OSBPL8: variants seen among roughly 807,000 people sequenced by gnomAD.
OSBPL8 encodes the protein oxysterol-binding protein-related protein 8.
A neutral mutation model predicts 125.5 loss-of-function variants in OSBPL8; 59 were observed. That is an observed-to-expected ratio of 0.47 (90% confidence interval 0.38 to 0.58). The LOEUF is 0.58. Among genes scored for constraint, OSBPL8 ranks in the 20% least tolerant of loss-of-function variants. The probability of loss-of-function intolerance (pLI) is 0.00; values close to 1 mark genes in which losing one functional copy is unlikely to be tolerated. For missense variants in OSBPL8, 758 were observed against 1,047.8 expected (o/e 0.72, Z 3.82); for synonymous variants, 330 against 338.9 (o/e 0.97, Z 0.29).
chr12:76,390,219 T>C, intron 11 of OSBPL8: 2 of 466,080 alleles, frequency 4.3e-6, no homozygotes, highest in Non-Finnish European at 3.7e-6. Flanking sequence ...TTAAATTTAA[T>C]AGAATATATT....
intron 21 of OSBPL8, among the ~76,000 whole-genome samples, chr12:76,360,119 G>C (rs1952142323): frequency 6.6e-6 from 1 of 152,154 alleles, no homozygotes; most frequent in African/African-American, 2.4e-5. Flanking sequence ...GACAAGGCAA[G>C]TCCCTTCTGC....
intron 4 of OSBPL8, among the ~76,000 whole-genome samples, chr12:76,416,558 A>G (rs184206507): frequency 1.3e-5 from 2 of 152,064 alleles, no homozygotes; most frequent in South Asian, 2.1e-4. Flanking sequence ...ATTTCCTTAT[A>G]TATTTTGAGG....
At chr12:76,506,270 C>A (rs1880408611) in intron 1 of OSBPL8, among the ~76,000 whole-genome samples, 1 of 152,160 alleles carries the variant, frequency 6.6e-6, no homozygotes, top group Non-Finnish European at 1.5e-5. Flanking sequence ...TCCTTTTGGA[C>A]TTGTTCACTT....
At chr12:76,465,304 T>C (rs1352748604) in intron 2 of OSBPL8, among the ~76,000 whole-genome samples, 1 of 152,192 alleles carries the variant, frequency 6.6e-6, no homozygotes, top group African/African-American at 2.4e-5. Context: ...CTCACGCCTG[T>C]AATCCCAGCA....
intron 1 of OSBPL8, among the ~76,000 whole-genome samples, chr12:76,547,351 G>C (rs1419204085): frequency 6.6e-6 from 1 of 152,036 alleles, no homozygotes; most frequent in Non-Finnish European, 1.5e-5. Flanking sequence ...GGAGCCTGAA[G>C]ATTATGAAAA....
intron 4 of OSBPL8, among the ~76,000 whole-genome samples, chr12:76,417,708 C>G (rs1371087925): frequency 6.6e-6 from 1 of 152,098 alleles, no homozygotes; most frequent in African/African-American, 2.4e-5. Flanking sequence ...TAATATTTCA[C>G]AAATCTACAG....
chr12:76,521,788 CAG>C (rs752334457), intron 1 of OSBPL8, among the ~76,000 whole-genome samples: 1 of 151,964 alleles, frequency 6.6e-6, no homozygotes, highest in Non-Finnish European at 1.5e-5. Flanking sequence ...CGCCAGGGGA[CAG>C]GGGGAGGAGA....
At chr12:76,533,454 A>G (rs566521318) in intron 1 of OSBPL8, among the ~76,000 whole-genome samples, 1 of 152,232 alleles carries the variant, frequency 6.6e-6, no homozygotes, top group African/African-American at 2.4e-5. Context: ...AGGACTAAGA[A>G]GAAAAACATT....
At chr12:76,375,888 T>C (rs1167812690) in intron 16 of OSBPL8, among the ~76,000 whole-genome samples, 1 of 152,214 alleles carries the variant, frequency 6.6e-6, no homozygotes, top group African/African-American at 2.4e-5. Flanking sequence ...AAGAAAGCTA[T>C]ACTGTATTTT....
intron 4 of OSBPL8, among the ~76,000 whole-genome samples, chr12:76,441,192 T>C (rs1872142210): frequency 1.3e-5 from 2 of 152,176 alleles, no homozygotes; most frequent in Non-Finnish European, 2.9e-5. Flanking sequence ...GCAGGCTAAA[T>C]GAAAGTCAGC....
At chr12:76,407,488 T>A (rs1954317523) in intron 5 of OSBPL8, among the ~76,000 whole-genome samples, 2 of 152,176 alleles carry the variant, frequency 1.3e-5, no homozygotes, top group African/African-American at 4.8e-5. Flanking sequence ...GCTCAAGCAA[T>A]CTTCCCATCT....
chr12:76,440,836 T>G (rs538265613), intron 4 of OSBPL8, among the ~76,000 whole-genome samples: 1 of 152,292 alleles, frequency 6.6e-6, no homozygotes, highest in Admixed American at 6.5e-5. Context: ...CTTTAGACCT[T>G]CAGAAATTAG....
intron 5 of OSBPL8, among the ~76,000 whole-genome samples, chr12:76,403,569 A>T (rs1954136711): frequency 6.6e-6 from 1 of 152,240 alleles, no homozygotes; most frequent in African/African-American, 2.4e-5. Flanking sequence ...AGAGTAGAAA[A>T]GCACAAAAGT....
chr12:76,440,495 A>G (rs1017214588), intron 4 of OSBPL8, among the ~76,000 whole-genome samples: 16 of 152,166 alleles, frequency 1.1e-4, no homozygotes, highest in Non-Finnish European at 7.4e-5. Context: ...CAGTTCTTCC[A>G]GGCACTTGTG....
chr12:76,397,726 G>A lies in OSBPL8; in HGVS notation c.640C>T (p.His214Tyr). 1 of 1,614,020 alleles carries A rather than the reference G, an allele frequency of 6.2e-7. No homozygotes were observed. The highest frequency in any genetic ancestry group is 8.5e-7 in the Non-Finnish European group (1 of 1,179,974). ...GCCCAAATAGATTGCTCCAAAGGAT[G>A]GAAAAGTTTGAAACAAAAGCCATCC... Reference protein sequence around the residue: ...KKDGFCFKLFHPLEQSIWAVK... With the variant: ...KKDGFCFKLFYPLEQSIWAVK... Residue 214 changes from histidine to tyrosine, a missense_variant, in exon 8 of 24, where the codon CAT becomes TAT. By Grantham distance (83) the His-to-Tyr change is moderately conservative. Transcript: ENST00000261183.
chr12:76,529,962 G>C (rs1950288323), intron 1 of OSBPL8, among the ~76,000 whole-genome samples: 1 of 152,174 alleles, frequency 6.6e-6, no homozygotes, highest in Non-Finnish European at 1.5e-5. Flanking sequence ...GCTCAGAGTA[G>C]TGAAGTAACA....
At chr12:76,414,069 T>C (rs1360074669) in intron 4 of OSBPL8, among the ~76,000 whole-genome samples, 3 of 152,218 alleles carry the variant, frequency 2.0e-5, no homozygotes, top group Non-Finnish European at 4.4e-5. Flanking sequence ...ACAATCCACC[T>C]GGAATTGACA....
At chr12:76,531,159 G>C (rs1271360495) in intron 1 of OSBPL8, among the ~76,000 whole-genome samples, 1 of 152,148 alleles carries the variant, frequency 6.6e-6, no homozygotes, top group Non-Finnish European at 1.5e-5. Flanking sequence ...TCACATGGTG[G>C]CAGGACAGAG....
At chr12:76,434,477 G>GGCC (rs1355466633) in intron 4 of OSBPL8, among the ~76,000 whole-genome samples, 8 of 152,150 alleles carry the variant, frequency 5.3e-5, no homozygotes, top group Admixed American at 2.0e-4. Flanking sequence ...CAAAAGCCAA[G>GGCC]GCAACAAAAG....
Sources: allele counts gnomAD v4.1 joint callset (sites outside exome capture counted in the v4.1 genomes callset), GRCh38; gene constraint gnomAD v4.1.1; transcripts MANE v1.5; gene names NCBI Gene and HGNC (gene_info 2026-07-23, HGNC 2026-07-21).